RMDN1: variants seen among roughly 807,000 people sequenced by gnomAD.
RMDN1 encodes regulator of microtubule dynamics protein 1.
RMDN1 carries 48 observed loss-of-function variants against 48.9 expected under a neutral mutation model. The ratio of observed to expected loss-of-function variants is 0.98; its 90% CI spans 0.78 to 1.25. The LOEUF is 1.25. RMDN1 is among the 50% of genes most tolerant of loss of function. RMDN1 has a pLI of 0.00. For synonymous variants in RMDN1, 148 were observed against 132.6 expected (o/e 1.12, Z -0.80); for missense variants, 418 against 373.4 (o/e 1.12, Z -0.98).
upstream of RMDN1, chr8:86,508,749 C>CCTGCACAGCACCTCTTCCGCCTT: frequency 7.2e-7 from 1 of 1,391,132 alleles, no homozygotes; most frequent in Non-Finnish European, 9.3e-7. Flanking sequence ...TCTTCCGCCT[C>CCTGCACAGCACCTCTTCCGCCTT]CTGCCCAGCA....
At chr8:86,475,344 C>T (rs1219453186) in intron 8 of RMDN1, among the ~76,000 whole-genome samples, 2 of 152,112 alleles carry the variant, frequency 1.3e-5, no homozygotes, top group African/African-American at 4.8e-5. Context: ...ACATAACATA[C>T]ATTCAGTGTA....
chr8:86,514,160 G>T (rs189778137), intron 1 of RMDN1: 2 of 684,384 alleles, frequency 2.9e-6, no homozygotes, highest in Admixed American at 6.3e-5. Flanking sequence ...AGTCTTCTCA[G>T]TTCAGATATG....
At chr8:86,504,057 G>A (rs768665046) in intron 2 of RMDN1, 33 of 844,274 alleles carry the variant, frequency 3.9e-5, no homozygotes, top group Non-Finnish European at 6.3e-5. Context: ...TCAACCAGCT[G>A]GGCATCATTG....
chr8:86,513,090 A>C (rs994634753), upstream of RMDN1, among the ~76,000 whole-genome samples: 1 of 129,784 alleles, frequency 7.7e-6, no homozygotes, highest in African/African-American at 2.9e-5. Context: ...AATGAACTTA[A>C]GAGGCCAGGC....
chr8:86,503,809 CT>C (rs2131275239), intron 2 of RMDN1: 7 of 529,436 alleles, frequency 1.3e-5, no homozygotes, highest in Admixed American at 5.0e-5. Context: ...TGACTGGCTC[CT>C]TTTCCGTTAG....
intron 2 of RMDN1, 71 bp from the exon 3 acceptor site, chr8:86,488,710 G>A: frequency 9.7e-7 from 1 of 1,032,162 alleles, no homozygotes; most frequent in Non-Finnish European, 1.4e-6. Context: ...ATAATTCAAA[G>A]AAACTTAAAC....
In RMDN1 at chr8:86,508,497, A is replaced by G; in HGVS notation, c.124T>C (p.Phe42Leu). 6.5e-7 allele frequency: 1 copy of G among 1,549,952 alleles called. No homozygotes were observed. Among genetic ancestry groups the G allele is most frequent in the Non-Finnish European group, 8.7e-7 (1 of 1,148,170 alleles). The change falls in exon 1 of 10, where the codon TTC becomes CTC. Residue 42 changes from phenylalanine (F) to leucine (L), a missense_variant. Transcript: ENST00000406452. ...GHCGPCRFRGFEVMGNPGTFK... is the reference protein window; with the variant it reads ...GHCGPCRFRGLEVMGNPGTFK... Reference sequence around the variant, plus strand: ...AGCCAGGACCACGGGGGTACCTCGAAGCCGCGGAATCGACAGGGGCCGCAA... The same window carrying G: ...AGCCAGGACCACGGGGGTACCTCGAGGCCGCGGAATCGACAGGGGCCGCAA...
chr8:86,482,909 A>C (rs1814784024), intron 5 of RMDN1: 1 of 953,590 alleles, frequency 1.0e-6, no homozygotes, highest in Non-Finnish European at 1.7e-6. Flanking sequence ...CCTCTGATAC[A>C]TCTGGCTGTT....
At chr8:86,504,107 A>T (rs1350796984) in intron 2 of RMDN1, 6 of 1,102,034 alleles carry the variant, frequency 5.4e-6, no homozygotes, top group Non-Finnish European at 7.0e-6. Context: ...CTGGAATTCA[A>T]ATTCATCCTT....
intron 2 of RMDN1, chr8:86,505,294 A>G: frequency 2.1e-6 from 1 of 482,092 alleles, no homozygotes; most frequent in South Asian, 1.5e-5. Flanking sequence ...GACCAAGTGA[A>G]CCTACCTTCA....
At position 86,479,762 on chromosome 8, in the gene RMDN1, T is replaced by C. The variant is rs148729564; in HGVS notation, c.641+515A>G. 3.1e-3 allele frequency among the ~76,000 whole-genome samples: 470 copies of C among 151,832 alleles called. 2 individuals carry two copies. Among genetic ancestry groups the C allele is most frequent in the African/African-American group, 0.011 (449 of 41,158 alleles). On this transcript the variant is annotated intron_variant, in intron 6 of 9. Transcript: ENST00000406452. ...AAATATTCAGCTCTGCAGGCTATAC[T>C]CAAAAGAGTGTCCCATCTATCTCAA...
intron 2 of RMDN1, among the ~76,000 whole-genome samples, chr8:86,497,080 C>A (rs1817491595): frequency 6.6e-6 from 1 of 152,170 alleles, no homozygotes; most frequent in South Asian, 2.1e-4. Context: ...TCAAAGACTT[C>A]TTTGAAACTA....
chr8:86,481,890 T>C, intron 5 of RMDN1: 1 of 777,028 alleles, frequency 1.3e-6, no homozygotes, highest in Non-Finnish European at 2.1e-6. Context: ...TCTAATATGT[T>C]CAACAAAGTG....
intron 9 of RMDN1, 125 bp downstream of exon 9, chr8:86,474,695 A>G: frequency 1.1e-6 from 1 of 933,034 alleles, no homozygotes; most frequent in African/African-American, 1.6e-5. Context: ...TTTACACTTG[A>G]AATGAACACA....
intron 4 of RMDN1, among the ~76,000 whole-genome samples, chr8:86,485,585 T>C (rs962264326): frequency 6.6e-6 from 1 of 152,348 alleles, no homozygotes; most frequent in Non-Finnish European, 1.5e-5. Flanking sequence ...GAATATGTAA[T>C]TGAATGTTTT....
At position 86,474,864 on chromosome 8, in the gene RMDN1, T is replaced by C. The variant is rs372625342; in HGVS notation, c.850A>G (p.Met284Val). The part of the protein sequence containing the change: ...HNKKLAAFWL[M>V]KAKDYPAHTE... ...TGTGCTGGATAGTCCTTGGCTTTCA[T>C]TAGCCAGAAAGCAGCAAGCTTTTTG... Residue 284 changes from methionine to valine, a missense_variant, in exon 9 of 10, where the codon ATG (methionine) becomes GTG (valine). By Grantham distance (21) the Met-to-Val change is conservative. Coordinates refer to ENST00000406452, the MANE Select transcript of RMDN1 (RefSeq NM_016033.3). 1 of 1,612,948 alleles carries C rather than the reference T, an allele frequency of 6.2e-7. No individual in the cohort carries two copies. Among genetic ancestry groups the C allele is most frequent in the Non-Finnish European group, 8.5e-7 (1 of 1,179,454 alleles).
upstream of RMDN1, chr8:86,508,817 T>C (rs927670303): frequency 2.3e-6 from 3 of 1,295,252 alleles, no homozygotes; most frequent in Non-Finnish European, 2.0e-6. Flanking sequence ...AATACCCCGA[T>C]TGGGTGGGAC....
downstream of RMDN1, among the ~76,000 whole-genome samples, chr8:86,472,190 A>G (rs1198607518): frequency 2.0e-5 from 3 of 152,220 alleles, no homozygotes; most frequent in Admixed American, 6.5e-5. Flanking sequence ...GTCTATACAC[A>G]CACAAACACA....
downstream of RMDN1, chr8:86,468,374 T>C (rs554295434): frequency 1.8e-4 from 80 of 453,688 alleles, no homozygotes; most frequent in South Asian, 1.3e-3. Flanking sequence ...CTTGGTTGAA[T>C]AGACTCCTTT....
Sources: gnomAD v4.1 joint callset for allele counts (sites outside exome capture counted in the v4.1 genomes callset) on GRCh38, gnomAD v4.1.1 for gene constraint, MANE v1.5 for transcripts, NCBI Gene and HGNC (gene_info 2026-07-23, HGNC 2026-07-21) for gene names.